Variants in CDH4 observed in about 807,000 individuals in gnomAD.
CDH4 encodes the protein cadherin 4.
CDH4 carries 33 observed loss-of-function variants against 86.0 expected under a neutral mutation model. The observed-to-expected ratio is 0.38, with a 90% CI of 0.29 to 0.51. The LOEUF is 0.51. CDH4 is among the 20% of genes least tolerant of loss of function. The probability of loss-of-function intolerance (pLI) is 0.86; values close to 1 mark genes in which losing one functional copy is unlikely to be tolerated. For synonymous variants in CDH4, 555 were observed against 549.4 expected (o/e 1.01, Z -0.14); for missense variants, 1,114 against 1,307.4 (o/e 0.85, Z 2.28).
intron 2 of CDH4, among the ~76,000 whole-genome samples, chr20:61,565,062 T>TTGATGGTGGTGGTGGTGGTGG (rs2086254330): frequency 9.9e-6 from 1 of 101,218 alleles, no homozygotes; most frequent in East Asian, 3.4e-4. Flanking sequence ...GGTGGTGCTC[T>TTGATGGTGGTGGTGGTGGTGG]TGGTGGTGGT....
At position 61,368,135 on chromosome 20, in the gene CDH4, C is replaced by T. The variant is rs540980741; in HGVS notation, c.169+113198C>T. Among the ~76,000 whole-genome samples the T allele has an allele frequency of 2.0e-5, 3 of 152,288 alleles. No individual in the cohort carries two copies. The South Asian group carries it at 6.2e-4, about 32-fold the overall frequency. ...CCGCCCGCCTCGGCCTCCCAAAGTG[C>T]TGGGATTACAGGCGTGAGCCGCTGC... On this transcript the variant is annotated intron_variant, in intron 2 of 15. Transcript: ENST00000614565.
At chr20:61,264,595 G>T (rs2084146277) in intron 2 of CDH4, among the ~76,000 whole-genome samples, 1 of 147,032 alleles carries the variant, frequency 6.8e-6, no homozygotes, top group Non-Finnish European at 1.5e-5. Context: ...TACACATACA[G>T]TGGCTCCTTC....
At chr20:61,880,436 G>A (rs1433144286) in intron 7 of CDH4, among the ~76,000 whole-genome samples, 9 of 152,178 alleles carry the variant, frequency 5.9e-5, no homozygotes, top group East Asian at 1.9e-4. Context: ...ACCTCGGGCC[G>A]GATTTGTGCC....
intron 2 of CDH4, among the ~76,000 whole-genome samples, chr20:61,521,143 G>A (rs770334189): frequency 1.8e-4 from 27 of 152,156 alleles, no homozygotes; most frequent in Non-Finnish European, 3.2e-4. Context: ...TTACCCTGAC[G>A]CATTTGTGAT....
At chr20:61,519,405 C>T (rs1419022530) in intron 2 of CDH4, among the ~76,000 whole-genome samples, 1 of 152,358 alleles carries the variant, frequency 6.6e-6, no homozygotes. Context: ...GCAGCAGCTG[C>T]ACATGCAGGT....
chr20:61,657,365 A>G (rs2087203553), intron 2 of CDH4, among the ~76,000 whole-genome samples: 2 of 152,240 alleles, frequency 1.3e-5, no homozygotes, highest in African/African-American at 4.8e-5. Context: ...TAACCTGTAC[A>G]CACTTCGCAG....
rs549696947 is a variant in CDH4, at chr20:61,498,773, A to T, written c.169+243836A>T. Among the ~76,000 whole-genome samples, 3 of 152,334 alleles carry T rather than the reference A, an allele frequency of 2.0e-5. No individual in the cohort carries two copies. In the East Asian group the frequency reaches 5.8e-4, roughly 29 times the overall value. ...TAAGCTAAAAGAAAATCGCAAAAAA[A>T]AATCTCATAACGTTTTAAGAAAGGT... On this transcript the variant is annotated intron_variant, in intron 2 of 15. Transcript: ENST00000614565.
At chr20:61,632,528 T>C (rs984819693) in intron 2 of CDH4, among the ~76,000 whole-genome samples, 1 of 152,044 alleles carries the variant, frequency 6.6e-6, no homozygotes, top group African/African-American at 2.4e-5. Context: ...GCTGGAGGCA[T>C]ACCAGCCCGG....
At chr20:61,702,723 A>G (rs149245863) in intron 2 of CDH4, among the ~76,000 whole-genome samples, 211 of 152,346 alleles carry the variant, frequency 1.4e-3, no homozygotes, top group Middle Eastern at 3.4e-3. Context: ...AGTAAATCCA[A>G]TTACAGGCAA....
At chr20:61,605,580 C>A (rs1343968256) in intron 2 of CDH4, among the ~76,000 whole-genome samples, 1 of 149,404 alleles carries the variant, frequency 6.7e-6, no homozygotes, top group Admixed American at 6.7e-5. Flanking sequence ...TCTGTCTCTG[C>A]CTCCCTGTCT....
At chr20:61,654,219 T>G (rs960821858) in intron 2 of CDH4, among the ~76,000 whole-genome samples, 1 of 152,126 alleles carries the variant, frequency 6.6e-6, no homozygotes, top group Admixed American at 6.5e-5. Flanking sequence ...GGTTAGGAGC[T>G]GGAGACCAGC....
At position 61,822,178 on chromosome 20, in the gene CDH4, G is replaced by T. The variant is rs116693539; in HGVS notation, c.577-22490G>T. Among the ~76,000 whole-genome samples the T allele has an allele frequency of 8.3e-3, 1,261 of 152,292 alleles. 12 individuals carry two copies. The highest frequency in any genetic ancestry group is 0.029 in the African/African-American group (1,203 of 41,552). On this transcript the variant is annotated intron_variant, in intron 4 of 15. Transcript: ENST00000614565. Reference sequence around the variant, plus strand: ...AAGGCCTGTGCTCTAACGTACTGATGAATTATGTGTTCATTACGTGAGTCC... The same window carrying T: ...AAGGCCTGTGCTCTAACGTACTGATTAATTATGTGTTCATTACGTGAGTCC...
chr20:61,430,361 C>A (rs1347895868), intron 2 of CDH4, among the ~76,000 whole-genome samples: 1 of 152,200 alleles, frequency 6.6e-6, no homozygotes, highest in African/African-American at 2.4e-5. Flanking sequence ...AGCTTTGACG[C>A]CCGGCTCATC....
chr20:61,910,358 G>A, intron 8 of CDH4, 64 bp from the exon 9 acceptor site: 1 of 1,423,052 alleles, frequency 7.0e-7, no homozygotes, highest in South Asian at 1.2e-5. Context: ...TATGCTACGT[G>A]CACTTCTCTG....
intron 2 of CDH4, among the ~76,000 whole-genome samples, chr20:61,362,846 G>A (rs376757387): frequency 7.2e-5 from 11 of 152,156 alleles, no homozygotes; most frequent in African/African-American, 2.7e-4. Context: ...AAGTACAAGG[G>A]TCCAGCAACG....
At chr20:61,281,774 C>G (rs1386349302) in intron 2 of CDH4, among the ~76,000 whole-genome samples, 1 of 152,228 alleles carries the variant, frequency 6.6e-6, no homozygotes, top group African/African-American at 2.4e-5. Flanking sequence ...GGACGCACCC[C>G]ATCCCTGTGC....
intron 2 of CDH4, among the ~76,000 whole-genome samples, chr20:61,577,768 C>T (rs191067399): frequency 6.6e-6 from 1 of 152,194 alleles, no homozygotes; most frequent in Admixed American, 6.5e-5. Flanking sequence ...CTCTGGGTGG[C>T]GGCCCTGGGC....
chr20:61,508,080 A>AT (rs1441136114), intron 2 of CDH4, among the ~76,000 whole-genome samples: 2 of 152,170 alleles, frequency 1.3e-5, no homozygotes, highest in Non-Finnish European at 2.9e-5. Flanking sequence ...TGCTGCGTGC[A>AT]TTTTCCCTTC....
chr20:61,752,827 G>A (rs1272188392), intron 3 of CDH4, among the ~76,000 whole-genome samples: 1 of 152,160 alleles, frequency 6.6e-6, no homozygotes, highest in Non-Finnish European at 1.5e-5. Flanking sequence ...GTCCAAATTC[G>A]GGTGGCACTG....
Sources: gnomAD v4.1 joint callset for allele counts (sites outside exome capture counted in the v4.1 genomes callset) on GRCh38, gnomAD v4.1.1 for gene constraint, MANE v1.5 for transcripts, NCBI Gene and HGNC (gene_info 2026-07-23, HGNC 2026-07-21) for gene names.